ZNF804B: variants seen among roughly 807,000 people sequenced by gnomAD.
ZNF804B encodes the protein zinc finger 804B.
In ZNF804B, 80 loss-of-function variants were observed where a neutral mutation model predicts 101.4. The observed-to-expected ratio is 0.79, with a 90% CI of 0.66 to 0.95. The LOEUF is 0.95. ZNF804B is among the 40% of genes least tolerant of loss of function. The probability of loss-of-function intolerance (pLI) is 0.00; values close to 1 mark genes in which losing one functional copy is unlikely to be tolerated. For synonymous variants in ZNF804B, 622 were observed against 558.8 expected (o/e 1.11, Z -1.59); for missense variants, 1,673 against 1,561.9 (o/e 1.07, Z -1.20).
intron 1 of ZNF804B, among the ~76,000 whole-genome samples, chr7:88,779,464 T>C (rs938241856): frequency 9.2e-5 from 14 of 152,182 alleles, no homozygotes; most frequent in African/African-American, 3.1e-4. Flanking sequence ...GCTTCCATGG[T>C]GACTAAATAT....
At chr7:89,038,813 C>A (rs535626568) in intron 1 of ZNF804B, among the ~76,000 whole-genome samples, 25 of 152,086 alleles carry the variant, frequency 1.6e-4, no homozygotes, top group African/African-American at 5.3e-4. Flanking sequence ...AGTTTTTAAT[C>A]CTTTTTCAGT....
intron 1 of ZNF804B, among the ~76,000 whole-genome samples, chr7:88,766,584 T>A (rs975718091): frequency 1.3e-5 from 2 of 152,148 alleles, no homozygotes; most frequent in African/African-American, 4.8e-5. Context: ...AGCAAAGGGA[T>A]AGGAATTGAT....
intron 2 of ZNF804B, among the ~76,000 whole-genome samples, chr7:89,290,941 ACT>A (rs1286823159): frequency 6.6e-5 from 10 of 151,930 alleles, no homozygotes; most frequent in Non-Finnish European, 1.3e-4. Flanking sequence ...CCACAGAGAG[ACT>A]CTGTTTTTTT....
At chr7:88,957,167 C>T (rs922328878) in intron 1 of ZNF804B, among the ~76,000 whole-genome samples, 4 of 151,336 alleles carry the variant, frequency 2.6e-5, no homozygotes, top group South Asian at 2.1e-4. Flanking sequence ...ACTTCTGGCC[C>T]CTTTGGCGCT....
chr7:89,137,907 C>A (rs1394445749), intron 1 of ZNF804B, among the ~76,000 whole-genome samples: 3 of 152,072 alleles, frequency 2.0e-5, no homozygotes, highest in African/African-American at 7.2e-5. Context: ...AGTCCCCAAG[C>A]TGTATGCATT....
chr7:88,999,344 A>G (rs1370466064), intron 1 of ZNF804B, among the ~76,000 whole-genome samples: 1 of 152,066 alleles, frequency 6.6e-6, no homozygotes, highest in African/African-American at 2.4e-5. Flanking sequence ...GAAGACTAGT[A>G]TAGTTAGTGA....
intron 2 of ZNF804B, among the ~76,000 whole-genome samples, chr7:89,260,407 T>G (rs929613476): frequency 1.3e-5 from 2 of 152,152 alleles, no homozygotes; most frequent in Non-Finnish European, 2.9e-5. Context: ...TAGATATACT[T>G]TCCCCTCAAT....
chr7:89,014,952 A>G (rs539527163), intron 1 of ZNF804B, among the ~76,000 whole-genome samples: 26 of 152,206 alleles, frequency 1.7e-4, no homozygotes, highest in African/African-American at 6.0e-4. Context: ...CATTTCCCCT[A>G]TGTTTTCCCC....
At chr7:88,874,123 G>A (rs988299088) in intron 1 of ZNF804B, among the ~76,000 whole-genome samples, 11 of 152,074 alleles carry the variant, frequency 7.2e-5, no homozygotes, top group South Asian at 2.1e-4. Context: ...TCTTCCATTT[G>A]TTTGTATCCT....
chr7:88,847,751 A>G (rs182486748), intron 1 of ZNF804B, among the ~76,000 whole-genome samples: 4 of 152,226 alleles, frequency 2.6e-5, no homozygotes, highest in African/African-American at 9.6e-5. Context: ...GGAGAAGAGA[A>G]AAAGAAATTC....
At chr7:89,295,057 T>G (rs1056906664) in intron 2 of ZNF804B, among the ~76,000 whole-genome samples, 1 of 152,112 alleles carries the variant, frequency 6.6e-6, no homozygotes, top group Admixed American at 6.5e-5. Context: ...TATTTGAGAA[T>G]TCCTGCTGCC....
chr7:89,042,590 T>G (rs1789032373), intron 1 of ZNF804B, among the ~76,000 whole-genome samples: 1 of 152,190 alleles, frequency 6.6e-6, no homozygotes, highest in African/African-American at 2.4e-5. Context: ...ATAACCTTTC[T>G]GAATAGATCT....
At chr7:89,031,925 T>C (rs113638308) in intron 1 of ZNF804B, among the ~76,000 whole-genome samples, 5,032 of 152,012 alleles carry the variant, frequency 0.033, 285 homozygotes, top group African/African-American at 0.11. Context: ...GTAGCTAGAT[T>C]TTATTTCATA....
At position 89,228,084 on chromosome 7, in the gene ZNF804B, C is replaced by T. The variant is rs139978615; in HGVS notation, c.249+9789C>T. On this transcript the variant is annotated intron_variant, in intron 2 of 3. Coordinates refer to ENST00000333190, the MANE Select transcript of ZNF804B (RefSeq NM_181646.5). ...GACCCTCGCGGTGAGTGTTACAGCT[C>T]TTAAGGTGGCACGTCTGGAGTTTGT... is the stretch of plus-strand genomic sequence containing the variant. Among the ~76,000 whole-genome samples, 162 of 152,156 alleles carry T rather than the reference C, an allele frequency of 1.1e-3. 1 individual carries two copies. In the East Asian group the frequency reaches 0.026, roughly 24 times the overall value.
intron 1 of ZNF804B, among the ~76,000 whole-genome samples, chr7:88,924,322 CATG>C (rs1792764460): frequency 6.6e-6 from 1 of 151,978 alleles, no homozygotes; most frequent in African/African-American, 2.4e-5. Context: ...TCTTTGTCTG[CATG>C]ATACCTTGAG....
At chr7:88,907,785 C>T (rs1792495262) in intron 1 of ZNF804B, among the ~76,000 whole-genome samples, 1 of 151,852 alleles carries the variant, frequency 6.6e-6, no homozygotes, top group South Asian at 2.1e-4. Context: ...TGTCTTCTAC[C>T]AAACTTGTAT....
At chr7:88,933,793 C>G (rs1792925770) in intron 1 of ZNF804B, among the ~76,000 whole-genome samples, 1 of 151,982 alleles carries the variant, frequency 6.6e-6, no homozygotes. Context: ...ACATCCCATT[C>G]TCATGGATGA....
rs115146026 is a variant in ZNF804B, at chr7:88,798,347, A to G, written c.108+38263A>G. On this transcript the variant is annotated intron_variant, in intron 1 of 3. Transcript: ENST00000333190. ...AACATATAAACTCTATAGAAAATCAACTAAGCTCTCCTTTCTTCAAAAGAG... is the reference window on the plus strand; with the variant it reads ...AACATATAAACTCTATAGAAAATCAGCTAAGCTCTCCTTTCTTCAAAAGAG... 2.7e-3 allele frequency among the ~76,000 whole-genome samples: 409 copies of G among 152,250 alleles called. 2 individuals carry two copies. The highest frequency in any genetic ancestry group is 9.3e-3 in the African/African-American group (388 of 41,564).
intron 1 of ZNF804B, among the ~76,000 whole-genome samples, chr7:89,039,438 T>G (rs1044548835): frequency 4.6e-5 from 7 of 151,966 alleles, no homozygotes; most frequent in African/African-American, 1.4e-4. Flanking sequence ...TTAAATATAT[T>G]TCTAAGCATT....
Sources: allele counts gnomAD v4.1 joint callset (sites outside exome capture counted in the v4.1 genomes callset), GRCh38; gene constraint gnomAD v4.1.1; transcripts MANE v1.5; gene names NCBI Gene and HGNC (gene_info 2026-07-23, HGNC 2026-07-21).